Variants in MAP3K7CL observed in about 807,000 individuals in gnomAD.
The protein encoded by MAP3K7CL is MAP3K7 C-terminal like, also known as MAP3K7 C-terminal-like protein.
A neutral mutation model predicts 18.6 loss-of-function variants in MAP3K7CL; 16 were observed. That is an observed-to-expected ratio of 0.86 (90% CI 0.58 to 1.31). MAP3K7CL has a LOEUF of 1.31. MAP3K7CL is among the 50% of genes most tolerant of loss of function. The probability of loss-of-function intolerance (pLI) is 0.00; values close to 1 mark genes in which losing one functional copy is unlikely to be tolerated. For missense variants in MAP3K7CL, 163 were observed against 174.4 expected (o/e 0.93, Z 0.37); for synonymous variants, 65 against 66.8 (o/e 0.97, Z 0.13).
intron 4 of MAP3K7CL, among the ~76,000 whole-genome samples, chr21:29,114,920 C>T (rs1205614727): frequency 6.6e-6 from 1 of 152,188 alleles, no homozygotes; most frequent in African/African-American, 2.4e-5. Context: ...CTAGGAGCCA[C>T]AGGAGGCCAG....
At chr21:29,118,404 G>A (rs1267684971) in intron 4 of MAP3K7CL, among the ~76,000 whole-genome samples, 3 of 150,696 alleles carry the variant, frequency 2.0e-5, no homozygotes, top group Non-Finnish European at 4.4e-5. Flanking sequence ...TTCCCTATTA[G>A]GCACTTGCAT....
At chr21:29,082,451 C>T (rs1288506226), upstream of MAP3K7CL, among the ~76,000 whole-genome samples, 5 of 152,056 alleles carry the variant, frequency 3.3e-5, no homozygotes, top group Admixed American at 3.3e-4. Context: ...TATCTGCAGT[C>T]AGCTGGTGGG....
chr21:29,127,961 A>C (rs1375584044), upstream of MAP3K7CL: 1 of 152,230 alleles, frequency 6.6e-6, no homozygotes, highest in Non-Finnish European at 1.5e-5. Context: ...GCAGAAAAGG[A>C]AGGTGCTACT....
In MAP3K7CL at chr21:29,140,710, A is replaced by G. The variant is rs59405751; in HGVS notation, c.70+7296A>G. On this transcript the variant is annotated intron_variant, in intron 2 of 4. Transcript: ENST00000399928. ...TGGTATGTTGTGGTAGGAAAGAAGAAAAGAAGGGGTAAATTTTATTTGGTG... is the reference window on the plus strand; with the variant it reads ...TGGTATGTTGTGGTAGGAAAGAAGAGAAGAAGGGGTAAATTTTATTTGGTG... Among the ~76,000 whole-genome samples the G allele has an allele frequency of 7.8e-3, 1,190 of 152,314 alleles. 22 individuals carry two copies. Among genetic ancestry groups the G allele is most frequent in the African/African-American group, 0.027 (1,136 of 41,558 alleles).
At chr21:29,114,565 A>G (rs1341065504) in intron 4 of MAP3K7CL, among the ~76,000 whole-genome samples, 1 of 151,408 alleles carries the variant, frequency 6.6e-6, no homozygotes, top group Non-Finnish European at 1.5e-5. Flanking sequence ...TAAGCTTTGT[A>G]TTTTTTGTAG....
At chr21:29,084,030 ATATAAT>A (rs1326060574), upstream of MAP3K7CL, among the ~76,000 whole-genome samples, 2 of 147,878 alleles carry the variant, frequency 1.4e-5, no homozygotes, top group African/African-American at 2.5e-5. Context: ...CATATATGTA[ATATAAT>A]TATATATAAT....
chr21:29,100,773 C>T (rs1328890043), intron 4 of MAP3K7CL, among the ~76,000 whole-genome samples: 1 of 139,204 alleles, frequency 7.2e-6, no homozygotes. Flanking sequence ...AGTGCAATGG[C>T]ACGATCTCGG....
intron 2 of MAP3K7CL, among the ~76,000 whole-genome samples, chr21:29,138,723 T>C (rs993065375): frequency 2.0e-5 from 3 of 152,196 alleles, no homozygotes; most frequent in Non-Finnish European, 4.4e-5. Context: ...GGCTCATACC[T>C]ATAATCCCAG....
At position 29,130,677 on chromosome 21, in the gene MAP3K7CL, G is replaced by A; in HGVS notation, c.-286G>A. On this transcript the variant is annotated 5_prime_UTR_variant, in exon 1 of 5. Coordinates refer to ENST00000399928, the MANE Select transcript of MAP3K7CL (RefSeq NM_001286620.2). ...CCTGGCTGTTAGAGAGGCAAGGAAA[G>A]GAGAGAGGGGTTGTGAAGGGAAGCG... The A allele has an allele frequency of 3.0e-6, 3 of 985,560 alleles. No homozygotes were observed. The highest frequency in any genetic ancestry group is 1.7e-5 in the African/African-American group (1 of 57,370). 61.1% of individuals were successfully genotyped at this position (985,560 alleles called of 1,614,324 possible).
intron 3 of MAP3K7CL, among the ~76,000 whole-genome samples, chr21:29,150,412 T>C (rs1234344562): frequency 1.3e-5 from 2 of 152,196 alleles, no homozygotes; most frequent in Non-Finnish European, 2.9e-5. Context: ...ATCTGGCCGC[T>C]TGGAGGAGTC....
intron 1 of MAP3K7CL, among the ~76,000 whole-genome samples, chr21:29,089,648 G>T (rs2085987872): frequency 6.6e-6 from 1 of 152,162 alleles, no homozygotes; most frequent in East Asian, 1.9e-4. Flanking sequence ...TTAGAAACAT[G>T]AATGAAGCAT....
At chr21:29,109,683 A>G (rs772727076) in intron 4 of MAP3K7CL, 2 of 987,522 alleles carry the variant, frequency 2.0e-6, no homozygotes, top group Non-Finnish European at 2.4e-6. Context: ...GGTTCTCTGC[A>G]TGATCTCGGC....
At chr21:29,126,885 G>A (rs2086690688), upstream of MAP3K7CL, among the ~76,000 whole-genome samples, 1 of 152,184 alleles carries the variant, frequency 6.6e-6, no homozygotes. Context: ...GGCCGTATAT[G>A]TCACATAGCA....
At chr21:29,170,290 T>A (rs117815574) in intron 4 of MAP3K7CL, among the ~76,000 whole-genome samples, 1 of 152,360 alleles carries the variant, frequency 6.6e-6, no homozygotes, top group Non-Finnish European at 1.5e-5. Context: ...CTGAGTCTTC[T>A]GGGTTCCAGT....
intron 3 of MAP3K7CL, among the ~76,000 whole-genome samples, chr21:29,155,987 C>G (rs1211951092): frequency 6.6e-6 from 1 of 152,136 alleles, no homozygotes; most frequent in African/African-American, 2.4e-5. Flanking sequence ...AATTTGTGCT[C>G]TAGTACATTA....
upstream of MAP3K7CL, among the ~76,000 whole-genome samples, chr21:29,128,717 G>A (rs1422137029): frequency 6.6e-6 from 1 of 152,120 alleles, no homozygotes; most frequent in Non-Finnish European, 1.5e-5. Flanking sequence ...TCATCCTCAA[G>A]CCTGTTATTT....
chr21:29,112,839 T>C (rs1056213162), intron 4 of MAP3K7CL, among the ~76,000 whole-genome samples: 1 of 152,166 alleles, frequency 6.6e-6, no homozygotes, highest in Non-Finnish European at 1.5e-5. Context: ...TTCTTTTTTT[T>C]TGAGATGGAG....
At chr21:29,173,243 A>T (rs1207419636) in intron 4 of MAP3K7CL, among the ~76,000 whole-genome samples, 1 of 152,200 alleles carries the variant, frequency 6.6e-6, no homozygotes, top group East Asian at 1.9e-4. Context: ...TCTGTGAATG[A>T]TCATGAAGTA....
chr21:29,099,855 G>A (rs998474925), intron 4 of MAP3K7CL, among the ~76,000 whole-genome samples: 1 of 151,762 alleles, frequency 6.6e-6, no homozygotes, highest in Non-Finnish European at 1.5e-5. Context: ...AGGCCGAGGC[G>A]GGCGGATCAC....
Sources: allele counts gnomAD v4.1 joint callset (sites outside exome capture counted in the v4.1 genomes callset), GRCh38; gene constraint gnomAD v4.1.1; transcripts MANE v1.5; gene names NCBI Gene and HGNC (gene_info 2026-07-23, HGNC 2026-07-21).